SH2B2: variants seen among roughly 807,000 people sequenced by gnomAD.
The protein encoded by SH2B2 is SH2B adapter protein 2.
SH2B2 carries 37 observed loss-of-function variants against 35.7 expected under a neutral mutation model. The ratio of observed to expected loss-of-function variants is 1.04; its 90% CI spans 0.80 to 1.36. SH2B2 has a LOEUF of 1.36. Ranked by LOEUF, SH2B2 falls within the 40% of genes most tolerant of loss-of-function variation. The pLI, the probability that SH2B2 is intolerant of heterozygous loss-of-function variation, is 0.00. For synonymous variants in SH2B2, 383 were observed against 376.4 expected (o/e 1.02, Z -0.20); for missense variants, 852 against 817.7 (o/e 1.04, Z -0.51).
intron 1 of SH2B2, among the ~76,000 whole-genome samples, chr7:102,296,382 A>G (rs1469129641): frequency 1.3e-5 from 2 of 152,216 alleles, no homozygotes; most frequent in African/African-American, 2.4e-5. Flanking sequence ...AGGCGAGGGC[A>G]TGATCCTCTA....
chr7:102,290,980 G>A (rs908046653), intron 1 of SH2B2, among the ~76,000 whole-genome samples: 43 of 152,344 alleles, frequency 2.8e-4, no homozygotes, highest in African/African-American at 9.4e-4. Context: ...AACAGATGGG[G>A]AAACTGAGGC....
At chr7:102,305,627 G>A (rs1286421208) in intron 2 of SH2B2, among the ~76,000 whole-genome samples, 1 of 152,172 alleles carries the variant, frequency 6.6e-6, no homozygotes, top group African/African-American at 2.4e-5. Flanking sequence ...TCCCACACAG[G>A]AAGGGTAACT....
At position 102,321,310 on chromosome 7, in the gene SH2B2, A is replaced by C; in HGVS notation, c.1579A>C (p.Thr527Pro). 7.1e-7 allele frequency: 1 copy of C among 1,410,816 alleles called. No homozygotes were observed. The allele number at this position is 1,410,816 out of a possible 1,614,324, so 87.4% of individuals were successfully genotyped here. ...AQDPPPEPGP[T>P]PPAAPASPAC... ...TCGCCTTGTTGCAGAGCCGGGCCCC[A>C]CGCCCCCTGCCGCGCCCGCGTCCCC... Residue 527 changes from threonine (T) to proline (P), a missense_variant, in exon 9 of 9, where the codon ACG becomes CCG. Thr to Pro is a conservative substitution (Grantham distance 38). Around this residue, in one of 3 missense-constraint regions of SH2B2, gnomAD observed 556 missense variants for 514.5 expected, o/e 1.08. Transcript: ENST00000444095.
intron 1 of SH2B2, among the ~76,000 whole-genome samples, chr7:102,291,701 G>A (rs1792677582): frequency 6.6e-6 from 1 of 152,230 alleles, no homozygotes; most frequent in African/African-American, 2.4e-5. Flanking sequence ...CCCTGGTTCA[G>A]AGCCTACCTT....
chr7:102,321,384 C>A lies in SH2B2; in HGVS notation c.1653C>A (p.Ala551=), dbSNP rs371603315. 2.2e-6 allele frequency: 3 copies of A among 1,389,980 alleles called. No individual in the cohort carries two copies. Among genetic ancestry groups the A allele is most frequent in the African/African-American group, 3.0e-5 (2 of 65,974 alleles). 86.1% of individuals were successfully genotyped at this position (1,389,980 alleles called of 1,614,324 possible). ...GCCAGCACTACTTCTCCAGCCTCGC[C>A]GCGGCCGCCTGCCCGCCTGCCTCGC... The part of the protein sequence containing the change: ...SPGQHYFSSL[A]AAACPPASPS... Residue 551 remains alanine (A), a synonymous_variant, in exon 9 of 9, where the codon GCC becomes GCA. Coordinates refer to ENST00000444095, the MANE Select transcript of SH2B2 (RefSeq NM_001359228.2).
intron 4 of SH2B2, chr7:102,309,222 A>C: frequency 1.9e-6 from 1 of 525,078 alleles, no homozygotes; most frequent in Non-Finnish European, 3.7e-6. Flanking sequence ...GAGTCCCCAA[A>C]GGGCTGGGGG....
At chr7:102,286,455 C>T (rs1322373036), upstream of SH2B2, among the ~76,000 whole-genome samples, 1 of 152,178 alleles carries the variant, frequency 6.6e-6, no homozygotes, top group Non-Finnish European at 1.5e-5. Flanking sequence ...GTCCCATACA[C>T]CCGCCACGCA....
intron 4 of SH2B2, among the ~76,000 whole-genome samples, chr7:102,311,194 A>T (rs973265696): frequency 5.9e-5 from 9 of 151,960 alleles, no homozygotes; most frequent in Non-Finnish European, 4.4e-5. Flanking sequence ...GGCTCGACTG[A>T]TCTGCCTGCC....
Position 102,308,776 on chromosome 7 carries a change from C to T in SH2B2, c.832-39C>T, listed in dbSNP as rs900864813. 3 of 1,497,884 alleles carry T rather than the reference C, an allele frequency of 2.0e-6. No individual in the cohort carries two copies. In the East Asian group the frequency reaches 6.8e-5, roughly 34 times the overall value. The allele number at this position is 1,497,884 out of a possible 1,614,324, so 92.8% of individuals were successfully genotyped here. A position where few individuals can be genotyped will look rare whatever the true frequency, so the allele number is the denominator to read the frequency against. ...TGTCCTGTGGTCTGGAGCCCATCTGCTGACCGTGTTCTGCACTCCCGGCCA... is the reference window on the plus strand; with the variant it reads ...TGTCCTGTGGTCTGGAGCCCATCTGTTGACCGTGTTCTGCACTCCCGGCCA... On this transcript the variant is annotated intron_variant, in intron 3 of 8. Transcript: ENST00000444095.
intron 1 of SH2B2, among the ~76,000 whole-genome samples, chr7:102,290,099 G>A (rs1289842176): frequency 3.2e-5 from 2 of 61,996 alleles, no homozygotes; most frequent in Admixed American, 3.0e-4. Flanking sequence ...CCACCCAGCC[G>A]CTCAGAGTGC....
At position 102,300,901 on chromosome 7, in the gene SH2B2, C is replaced by A; in HGVS notation, c.351C>A (p.Ser117Arg). 1 of 1,474,632 alleles carries A rather than the reference C, an allele frequency of 6.8e-7. No homozygotes were observed. Among genetic ancestry groups the A allele is most frequent in the Admixed American group, 2.5e-5 (1 of 39,420 alleles). The allele number at this position is 1,474,632 out of a possible 1,614,324, so 91.3% of individuals were successfully genotyped here. Reference protein sequence around the residue: ...LKAAPYGHSRSSEDVSTHAAT... With the variant: ...LKAAPYGHSRRSEDVSTHAAT... ...CGGCGCCCTACGGCCACTCGCGGAG[C>A]TCGGAGGACGTGTCCACGCACGCGG... Residue 117 changes from serine (S) to arginine (R), a missense_variant, in exon 2 of 9, where the codon AGC becomes AGA. This residue lies in a region of SH2B2 where 294 missense variants were observed against 286.6 expected (regional missense o/e 1.03). Coordinates refer to ENST00000444095, the MANE Select transcript of SH2B2 (RefSeq NM_001359228.2).
intron 1 of SH2B2, among the ~76,000 whole-genome samples, chr7:102,295,682 G>C (rs1792882070): frequency 6.6e-6 from 1 of 152,192 alleles, no homozygotes; most frequent in Non-Finnish European, 1.5e-5. Flanking sequence ...GAGCTCAGAG[G>C]AGACACTTGT....
intron 1 of SH2B2, among the ~76,000 whole-genome samples, chr7:102,290,172 C>A (rs1263338656): frequency 2.0e-5 from 3 of 151,766 alleles, no homozygotes; most frequent in Admixed American, 2.0e-4. Context: ...CCACTCTGCC[C>A]TTGGAAGCGG....
chr7:102,303,296 T>C (rs1793266549), intron 2 of SH2B2, among the ~76,000 whole-genome samples: 1 of 151,130 alleles, frequency 6.6e-6, no homozygotes, highest in Non-Finnish European at 1.5e-5. Flanking sequence ...GAAGTGGAGG[T>C]CCTTGGGCAC....
chr7:102,309,886 T>C (rs555960652), intron 4 of SH2B2, among the ~76,000 whole-genome samples: 42 of 152,254 alleles, frequency 2.8e-4, no homozygotes, highest in African/African-American at 9.6e-4. Flanking sequence ...GCATCTGTTA[T>C]CCCAGCTACT....
intron 7 of SH2B2, among the ~76,000 whole-genome samples, chr7:102,317,972 G>A (rs1470419947): frequency 1.3e-5 from 2 of 152,094 alleles, no homozygotes; most frequent in African/African-American, 4.8e-5. Context: ...AGCATTGGAG[G>A]GGACAGCCTG....
intron 1 of SH2B2, among the ~76,000 whole-genome samples, chr7:102,298,982 G>A (rs145360419): frequency 5.4e-4 from 77 of 142,396 alleles, no homozygotes; most frequent in African/African-American, 1.8e-3. Context: ...GTGCAGTGGC[G>A]CGATGTCGGC....
At chr7:102,288,346 A>AGTGT (rs1319931117) in intron 1 of SH2B2, among the ~76,000 whole-genome samples, 1 of 151,948 alleles carries the variant, frequency 6.6e-6, no homozygotes, top group Non-Finnish European at 1.5e-5. Flanking sequence ...CTTTTAGGCT[A>AGTGT]GTGTGGATCA....
intron 4 of SH2B2, among the ~76,000 whole-genome samples, chr7:102,311,553 CCTT>C (rs1793620246): frequency 8.4e-6 from 1 of 118,972 alleles, no homozygotes; most frequent in Non-Finnish European, 1.7e-5. Context: ...CTGCAACTGG[CCTT>C]TTTTTTTTTT....
Sources: allele counts gnomAD v4.1 joint callset (sites outside exome capture counted in the v4.1 genomes callset), GRCh38; gene constraint gnomAD v4.1.1; regional missense constraint gnomAD v4.1.1; transcripts MANE v1.5; gene names NCBI Gene and HGNC (gene_info 2026-07-23, HGNC 2026-07-21).